RASSF5: variants seen among roughly 807,000 people sequenced by gnomAD.
The protein encoded by RASSF5 is ras association domain-containing protein 5.
A neutral mutation model predicts 40.5 loss-of-function variants in RASSF5; 25 were observed. That is an observed-to-expected ratio of 0.62 (90% CI 0.45 to 0.86). The LOEUF is 0.86. Ranked by LOEUF, RASSF5 falls within the 40% of genes least tolerant of loss-of-function variation. The pLI is 0.00. For missense variants in RASSF5, 521 were observed against 572.8 expected (o/e 0.91, Z 0.92); for synonymous variants, 246 against 252.4 (o/e 0.97, Z 0.24).
chr1:206,511,952 G>T (rs1048098788), intron 1 of RASSF5, among the ~76,000 whole-genome samples: 1 of 152,132 alleles, frequency 6.6e-6, no homozygotes, highest in Non-Finnish European at 1.5e-5. Flanking sequence ...AGCAGAGAAA[G>T]GTCTTCATTT....
At chr1:206,578,336 G>A (rs1166418961) in intron 2 of RASSF5, among the ~76,000 whole-genome samples, 1 of 151,908 alleles carries the variant, frequency 6.6e-6, no homozygotes, top group Non-Finnish European at 1.5e-5. Flanking sequence ...ACCTTCCTGT[G>A]GCTCACTTTC....
At chr1:206,564,575 C>T (rs541461369) in intron 2 of RASSF5, among the ~76,000 whole-genome samples, 1 of 152,286 alleles carries the variant, frequency 6.6e-6, no homozygotes, top group South Asian at 2.1e-4. Flanking sequence ...AACTCCCAGC[C>T]TAGGAGCTTG....
chr1:206,545,345 G>GTTTTTTTTTTTTT (rs10709687), intron 2 of RASSF5, among the ~76,000 whole-genome samples: 1 of 130,270 alleles, frequency 7.7e-6, no homozygotes, highest in Non-Finnish European at 1.6e-5. Context: ...AATTTCTTGT[G>GTTTTTTTTTTTTT]TTTTTTTTTT....
chr1:206,557,705 A>G, intron 2 of RASSF5: 1 of 1,613,326 alleles, frequency 6.2e-7, no homozygotes, highest in Non-Finnish European at 8.5e-7. Flanking sequence ...TAAACATAAT[A>G]ATGGAATGCA....
chr1:206,572,358 C>T (rs1304413722), intron 2 of RASSF5, among the ~76,000 whole-genome samples: 2 of 152,106 alleles, frequency 1.3e-5, no homozygotes, highest in African/African-American at 2.4e-5. Flanking sequence ...CACAGCCTGG[C>T]CTTGGAGTGG....
At chr1:206,546,144 G>A (rs562752413) in intron 2 of RASSF5, among the ~76,000 whole-genome samples, 16 of 104,936 alleles carry the variant, frequency 1.5e-4, no homozygotes, top group Non-Finnish European at 2.1e-4. Context: ...GATCTCATTC[G>A]GTCACCCAGG....
chr1:206,525,732 G>A (rs1255277509), intron 1 of RASSF5, among the ~76,000 whole-genome samples: 6 of 152,218 alleles, frequency 3.9e-5, no homozygotes, highest in Admixed American at 6.5e-5. Context: ...GATTACAGGC[G>A]TGAGCTACCT....
At chr1:206,509,422 G>T (rs1666556722) in intron 1 of RASSF5, among the ~76,000 whole-genome samples, 1 of 152,252 alleles carries the variant, frequency 6.6e-6, no homozygotes, top group Non-Finnish European at 1.5e-5. Context: ...AAGAAGGAAG[G>T]AGTAAAGGTT....
At position 206,579,921 on chromosome 1, in the gene RASSF5, T is replaced by C. The variant is rs1437313769; in HGVS notation, c.580-3348T>C. On this transcript the variant is annotated intron_variant, in intron 2 of 5. Transcript: ENST00000579436. The surrounding 1 kb of genome is among the most constrained non-coding windows in gnomAD (Gnocchi z 4.2). ...GTCACATCTTGTCTGCCAGATATTT[T>C]TGTGGGCAGCAGCCATCCCAGACCT... is the stretch of plus-strand genomic sequence containing the variant. Among the ~76,000 whole-genome samples the C allele has an allele frequency of 1.3e-5, 2 of 152,226 alleles. No homozygotes were observed. The highest frequency in any genetic ancestry group is 4.8e-5 in the African/African-American group (2 of 41,456).
chr1:206,554,076 C>T (rs35333073), intron 2 of RASSF5, among the ~76,000 whole-genome samples: 31,710 of 152,210 alleles, frequency 0.21, 3,515 homozygotes, highest in Middle Eastern at 0.39. Flanking sequence ...AGTGCCTGCA[C>T]ATACTAGCTA....
chr1:206,573,184 C>T (rs951573075), intron 2 of RASSF5, among the ~76,000 whole-genome samples: 3 of 152,280 alleles, frequency 2.0e-5, no homozygotes, highest in South Asian at 2.1e-4. Context: ...AATCAGTCTC[C>T]GTGTGGTGGC....
chr1:206,553,422 C>T (rs1051428063), intron 2 of RASSF5, among the ~76,000 whole-genome samples: 2 of 152,200 alleles, frequency 1.3e-5, no homozygotes, highest in Non-Finnish European at 2.9e-5. Flanking sequence ...ATGGGGAACT[C>T]TTGGAAGGCT....
intron 2 of RASSF5, among the ~76,000 whole-genome samples, chr1:206,554,347 A>T (rs1667924808): frequency 6.6e-6 from 1 of 152,220 alleles, no homozygotes; most frequent in Non-Finnish European, 1.5e-5. Flanking sequence ...GTACATGCAG[A>T]ACTACAGGGT....
intron 2 of RASSF5, among the ~76,000 whole-genome samples, chr1:206,577,289 A>G (rs1398559878): frequency 6.6e-6 from 1 of 152,186 alleles, no homozygotes; most frequent in African/African-American, 2.4e-5. Context: ...AACAAACTCT[A>G]TGGGCATGTG....
intron 1 of RASSF5, among the ~76,000 whole-genome samples, chr1:206,530,070 G>A (rs533115293): frequency 1.4e-4 from 21 of 152,314 alleles, no homozygotes; most frequent in East Asian, 7.7e-4. Flanking sequence ...GTGTGGGTAC[G>A]TGATTTTTCT....
At chr1:206,561,543 A>C (rs782434549) in intron 2 of RASSF5, among the ~76,000 whole-genome samples, 2 of 152,044 alleles carry the variant, frequency 1.3e-5, no homozygotes, top group Non-Finnish European at 2.9e-5. Context: ...CCTACAACTG[A>C]AATATGTTAA....
chr1:206,583,993 C>A (rs1553406924), intron 3 of RASSF5, among the ~76,000 whole-genome samples: 1 of 152,156 alleles, frequency 6.6e-6, no homozygotes, highest in Non-Finnish European at 1.5e-5. Flanking sequence ...ATCTAGTGGG[C>A]TGGTTCTCCA....
intron 2 of RASSF5, among the ~76,000 whole-genome samples, chr1:206,580,330 G>C (rs996768490): frequency 6.6e-6 from 1 of 152,194 alleles, no homozygotes; most frequent in Non-Finnish European, 1.5e-5. Context: ...AGATCTTTCC[G>C]AAGCTTCTAG....
At chr1:206,528,277 T>A (rs2103515061) in intron 1 of RASSF5, among the ~76,000 whole-genome samples, 1 of 151,904 alleles carries the variant, frequency 6.6e-6, no homozygotes, top group Admixed American at 6.6e-5. Context: ...ACTAAGTGAA[T>A]GCATAGTACT....
Sources: allele counts gnomAD v4.1 joint callset (sites outside exome capture counted in the v4.1 genomes callset), GRCh38; gene constraint gnomAD v4.1.1; non-coding constraint Gnocchi (gnomAD v3.1); transcripts MANE v1.5; gene names NCBI Gene and HGNC (gene_info 2026-07-23, HGNC 2026-07-21).